RANBP2: variants seen among roughly 807,000 people sequenced by gnomAD.
RANBP2 encodes RAN binding protein 2.
Under a neutral mutation model 303.6 loss-of-function variants are expected in RANBP2, and 57 were observed. The observed-to-expected ratio is 0.19, with a 90% CI of 0.15 to 0.23. The LOEUF is 0.23. Among genes scored for constraint, RANBP2 ranks in the 10% least tolerant of loss-of-function variants. The probability of loss-of-function intolerance (pLI) is 1.00; values close to 1 mark genes in which losing one functional copy is unlikely to be tolerated. For synonymous variants in RANBP2, 1,167 were observed against 1,301.5 expected, an observed-to-expected ratio of 0.90 and a Z score of 2.23; for missense variants, 3,138 against 3,780.8, an observed-to-expected ratio of 0.83 and a Z score of 4.46.
At chr2:109,384,402 G>A in the RANBP2 span, among the ~76,000 whole-genome samples, 45 of 152,100 alleles carry the variant, frequency 3.0e-4, no homozygotes, top group Admixed American at 5.9e-4. Flanking sequence ...CAGGGAAAGC[G>A]GCCTTCGGGG....
At chr2:109,634,119 C>CAAAA in the RANBP2 span, among the ~76,000 whole-genome samples, 100 of 56,088 alleles carry the variant, frequency 1.8e-3, 1 homozygote, top group African/African-American at 2.7e-3. Context: ...GACTCTGTCT[C>CAAAA]AAAAAAAAAA....
the RANBP2 span, among the ~76,000 whole-genome samples, chr2:109,275,275 C>T: frequency 6.6e-6 from 1 of 152,100 alleles, no homozygotes; most frequent in Non-Finnish European, 1.5e-5. Context: ...CTCTTGTGAT[C>T]CAGAGAAGTA....
chr2:109,008,112 G>A, the RANBP2 span, among the ~76,000 whole-genome samples: 1 of 152,142 alleles, frequency 6.6e-6, no homozygotes, highest in Non-Finnish European at 1.5e-5. Flanking sequence ...ACGAAGAGTT[G>A]AGAGTTTGTA....
chr2:109,199,849 G>C, the RANBP2 span, among the ~76,000 whole-genome samples: 22 of 41,920 alleles, frequency 5.2e-4, no homozygotes, highest in Admixed American at 9.5e-4. Flanking sequence ...GAATGGAATG[G>C]AAATAACAAA....
chr2:109,057,805 T>C, the RANBP2 span, among the ~76,000 whole-genome samples: 1 of 152,130 alleles, frequency 6.6e-6, no homozygotes, highest in Non-Finnish European at 1.5e-5. Context: ...CCTCACTGAG[T>C]GCCAGCTTGC....
chr2:109,170,984 C>T, the RANBP2 span, among the ~76,000 whole-genome samples: 2 of 152,168 alleles, frequency 1.3e-5, no homozygotes, highest in African/African-American at 4.8e-5. Context: ...CAGGGCGCTC[C>T]CCACAGGAAC....
the RANBP2 span, among the ~76,000 whole-genome samples, chr2:109,570,252 G>A: frequency 1.3e-3 from 192 of 152,242 alleles, no homozygotes; most frequent in African/African-American, 4.0e-3. Flanking sequence ...CTTTAAATGA[G>A]TGCATGATAC....
At chr2:109,030,173 G>C in the RANBP2 span, among the ~76,000 whole-genome samples, 2 of 152,204 alleles carry the variant, frequency 1.3e-5, no homozygotes, top group African/African-American at 4.8e-5. Flanking sequence ...TCATGAAACT[G>C]ATCCTCAGCC....
chr2:108,788,434 A>T (rs573023123), downstream of RANBP2, among the ~76,000 whole-genome samples: 1 of 125,552 alleles, frequency 8.0e-6, no homozygotes, highest in Admixed American at 8.0e-5. Flanking sequence ...AAAGAAAAAA[A>T]TAGGCTGCGC....
chr2:108,946,154 C>T, the RANBP2 span, among the ~76,000 whole-genome samples: 3 of 152,184 alleles, frequency 2.0e-5, no homozygotes, highest in African/African-American at 7.2e-5. Context: ...GAGATGTGCT[C>T]GGAGTGTGTC....
At chr2:109,432,390 G>T in the RANBP2 span, 13 of 1,359,976 alleles carry the variant, frequency 9.6e-6, no homozygotes, top group Admixed American at 1.0e-4. Flanking sequence ...AGACTCTAGT[G>T]GGTCTTTTTA....
chr2:109,722,628 C>T, the RANBP2 span, among the ~76,000 whole-genome samples: 2 of 152,186 alleles, frequency 1.3e-5, no homozygotes, highest in African/African-American at 4.8e-5. Context: ...CTGATGCTCT[C>T]CCTTCCCTCA....
the RANBP2 span, among the ~76,000 whole-genome samples, chr2:109,659,760 T>G: frequency 6.6e-6 from 1 of 151,984 alleles, no homozygotes; most frequent in Non-Finnish European, 1.5e-5. Context: ...TGAATGAGAG[T>G]GCTGTCTCTA....
At chr2:109,350,474 C>T in the RANBP2 span, among the ~76,000 whole-genome samples, 2 of 152,320 alleles carry the variant, frequency 1.3e-5, no homozygotes, top group Admixed American at 6.5e-5. Context: ...TGCTGTGACA[C>T]GACCTTCCTG....
the RANBP2 span, among the ~76,000 whole-genome samples, chr2:109,713,088 C>G: frequency 6.6e-6 from 1 of 152,268 alleles, no homozygotes; most frequent in East Asian, 1.9e-4. Flanking sequence ...CCTTCCTCCA[C>G]CTGGGTCTCT....
At chr2:109,472,035 G>T in the RANBP2 span, among the ~76,000 whole-genome samples, 1 of 152,344 alleles carries the variant, frequency 6.6e-6, no homozygotes, top group South Asian at 2.1e-4. Context: ...CTGTAGCACA[G>T]TGTGCACCTG....
chr2:109,470,476 G>C, the RANBP2 span, among the ~76,000 whole-genome samples: 1 of 152,184 alleles, frequency 6.6e-6, no homozygotes, highest in African/African-American at 2.4e-5. Context: ...GAGTGTAGTT[G>C]CCCTCTGGTC....
chr2:109,720,663 G>A, the RANBP2 span, among the ~76,000 whole-genome samples: 1 of 152,168 alleles, frequency 6.6e-6, no homozygotes, highest in Non-Finnish European at 1.5e-5. Context: ...ACTAAATAAT[G>A]CCATCATTGT....
chr2:109,380,202 C>T, the RANBP2 span, among the ~76,000 whole-genome samples: 1 of 152,170 alleles, frequency 6.6e-6, no homozygotes, highest in Non-Finnish European at 1.5e-5. Flanking sequence ...TAGGTACCGG[C>T]TCGCCCTGAT....
Sources: allele counts gnomAD v4.1 joint callset (sites outside exome capture counted in the v4.1 genomes callset), GRCh38; gene constraint gnomAD v4.1.1; transcripts MANE v1.5; gene names NCBI Gene and HGNC (gene_info 2026-07-23, HGNC 2026-07-21).